Variants in UXS1 observed in about 807,000 individuals in gnomAD.
UXS1 encodes UDP-glucuronic acid decarboxylase 1.
In UXS1, 33 loss-of-function variants were observed where a neutral mutation model predicts 62.6. The ratio of observed to expected loss-of-function variants is 0.53; its 90% CI spans 0.40 to 0.70. UXS1 has a LOEUF of 0.70. Among genes scored for constraint, UXS1 ranks in the 30% least tolerant of loss-of-function variants. The pLI, the probability that UXS1 is intolerant of heterozygous loss-of-function variation, is 0.00. For synonymous variants in UXS1, 213 were observed against 206.8 expected, an observed-to-expected ratio of 1.03 and a Z score of -0.26; for missense variants, 434 against 556.3, an observed-to-expected ratio of 0.78 and a Z score of 2.21.
chr2:106,166,091 A>T lies in UXS1; in HGVS notation c.95-8T>A, dbSNP rs777377106. ...CGAAGTTGCCCCAAACAGCTGTAAG[A>T]GAAAGAAAAAAGGAAGTCAATGTTT... On this transcript the variant is annotated splice_region_variant and splice_polypyrimidine_tract_variant and intron_variant, in intron 1 of 14. Transcript: ENST00000283148. 1 of 1,610,480 alleles carries T rather than the reference A, an allele frequency of 6.2e-7. No homozygotes were observed. The highest frequency in any genetic ancestry group is 8.5e-7 in the Non-Finnish European group (1 of 1,178,632).
In UXS1 at chr2:106,099,662, CAG is replaced by C. The variant is rs574771872; in HGVS notation, c.985-891_985-890del. On this transcript the variant is annotated intron_variant, in intron 12 of 14. Transcript: ENST00000283148. ...GAGGGAAGGAGGAACATGGTATCTA[CAG>C]AGAAGAGCCTGGCTGCCCAGGGAAG... 1.5e-3 allele frequency among the ~76,000 whole-genome samples: 221 copies of C among 152,320 alleles called. 1 individual carries two copies. Among genetic ancestry groups the C allele is most frequent in the African/African-American group, 4.8e-3 (201 of 41,570 alleles).
At chr2:106,146,772 CAAAAAAAAAAAAA>C (rs55896853) in intron 5 of UXS1, among the ~76,000 whole-genome samples, 1 of 45,232 alleles carries the variant, frequency 2.2e-5, no homozygotes, top group African/African-American at 1.2e-4. Context: ...GACTCCATCT[CAAAAAAAAAAAAA>C]AAAAAAAAAA....
At chr2:106,094,673 G>A (rs1676934273) in intron 14 of UXS1, among the ~76,000 whole-genome samples, 1 of 152,168 alleles carries the variant, frequency 6.6e-6, no homozygotes, top group Non-Finnish European at 1.5e-5. Context: ...ATACTAAGAG[G>A]CTGAGTCTGA....
chr2:106,193,407 G>A (rs1437669226), intron 1 of UXS1, among the ~76,000 whole-genome samples: 3 of 152,022 alleles, frequency 2.0e-5, no homozygotes, highest in Admixed American at 1.3e-4. Context: ...AACAAGCAGA[G>A]GGCCGACCAC....
chr2:106,133,949 A>G (rs1442328209), intron 6 of UXS1, among the ~76,000 whole-genome samples: 2 of 135,058 alleles, frequency 1.5e-5, no homozygotes, highest in Admixed American at 1.5e-4. Context: ...AAACCCTTCA[A>G]AAAATCAATG....
At position 106,094,018 on chromosome 2, in the gene UXS1, T is replaced by C; in HGVS notation, c.*8A>G. 6.2e-7 allele frequency: 1 copy of C among 1,604,808 alleles called. No homozygotes were observed. The highest frequency in any genetic ancestry group is 8.5e-7 in the Non-Finnish European group (1 of 1,177,580). On this transcript the variant is annotated 3_prime_UTR_variant, in exon 15 of 15. Coordinates refer to ENST00000283148, the MANE Select transcript of UXS1 (RefSeq NM_001253875.2). ...CAATGGTAGTCTTGTGTCCTAAAAG[T>C]GAGGAGTTCAGCTGTGGCGAGTCCG...
intron 4 of UXS1, among the ~76,000 whole-genome samples, chr2:106,161,726 G>C (rs1215030582): frequency 1.3e-5 from 2 of 152,020 alleles, no homozygotes; most frequent in Non-Finnish European, 2.9e-5. Context: ...TCTATTCAAA[G>C]AACATTTAAA....
chr2:106,125,743 G>A, intron 7 of UXS1, 64 bp from the exon 8 acceptor site: 1 of 1,373,978 alleles, frequency 7.3e-7, no homozygotes. Context: ...TTTTTTGCTG[G>A]CCAATTTAAG....
intron 10 of UXS1, among the ~76,000 whole-genome samples, chr2:106,109,690 C>T (rs866286699): frequency 1.3e-5 from 2 of 152,180 alleles, no homozygotes; most frequent in Admixed American, 6.5e-5. Context: ...TAAAATATAG[C>T]TTTGATGTAT....
intron 5 of UXS1, among the ~76,000 whole-genome samples, chr2:106,152,333 T>C (rs1682084829): frequency 6.6e-6 from 1 of 151,992 alleles, no homozygotes; most frequent in Non-Finnish European, 1.5e-5. Context: ...ACACCTGTAA[T>C]CCCAGCTACT....
At chr2:106,116,756 G>A (rs1191006438) in intron 9 of UXS1, among the ~76,000 whole-genome samples, 3 of 152,208 alleles carry the variant, frequency 2.0e-5, no homozygotes, top group Non-Finnish European at 4.4e-5. Flanking sequence ...ATTACCGAGT[G>A]AATGGAAAAC....
chr2:106,102,645 C>CA (rs1411307373), intron 11 of UXS1: 1 of 152,172 alleles, frequency 6.6e-6, no homozygotes, highest in Non-Finnish European at 1.5e-5. Context: ...ACCTAGACCT[C>CA]AGACTCCCTG....
At chr2:106,141,447 T>G (rs1197999357) in intron 6 of UXS1, among the ~76,000 whole-genome samples, 1 of 152,232 alleles carries the variant, frequency 6.6e-6, no homozygotes, top group African/African-American at 2.4e-5. Flanking sequence ...CAGTTTTATC[T>G]TTTCCATTTT....
At chr2:106,153,043 T>A (rs555356199) in intron 5 of UXS1, among the ~76,000 whole-genome samples, 23 of 152,240 alleles carry the variant, frequency 1.5e-4, no homozygotes, top group African/African-American at 5.1e-4. Context: ...GAAAGTCAAA[T>A]ATAAGGGTGC....
chr2:106,174,235 G>A (rs1329745927), intron 1 of UXS1, among the ~76,000 whole-genome samples: 1 of 152,168 alleles, frequency 6.6e-6, no homozygotes, highest in East Asian at 1.9e-4. Context: ...GCACCACTGT[G>A]TTCCCTTTTA....
intron 4 of UXS1, chr2:106,160,573 G>A (rs1488825811): frequency 6.6e-6 from 1 of 152,302 alleles, no homozygotes; most frequent in Non-Finnish European, 1.5e-5. Flanking sequence ...GGACTGTGGA[G>A]TGTGCATCCG....
At chr2:106,119,582 T>C (rs1024995070) in intron 9 of UXS1, among the ~76,000 whole-genome samples, 1 of 152,108 alleles carries the variant, frequency 6.6e-6, no homozygotes, top group Non-Finnish European at 1.5e-5. Flanking sequence ...CAATGTCACC[T>C]CCAGACAGTG....
At chr2:106,125,862 T>G (rs949463335) in intron 7 of UXS1, among the ~76,000 whole-genome samples, 183 bp from the exon 8 acceptor site, 1 of 152,206 alleles carries the variant, frequency 6.6e-6, no homozygotes, top group Non-Finnish European at 1.5e-5. Context: ...AAAACATAAA[T>G]GGATTCTCAG....
rs563318996 is a variant in UXS1 at position 106,100,743 on chromosome 2, C to T, written c.984+315G>A. ...AATCAGGCCTTATAATGATGACCCG[C>T]CTGTTAAATAGAGAACGAGATGCAC... On this transcript the variant is annotated intron_variant, in intron 12 of 14. Coordinates refer to ENST00000283148, the MANE Select transcript of UXS1 (RefSeq NM_001253875.2). 1.8e-4 allele frequency: 52 copies of T among 282,718 alleles called. No individual in the cohort carries two copies. In the South Asian group the frequency reaches 3.7e-3, roughly 20 times the overall value. The allele number at this position is 282,718 out of a possible 1,614,324, so 17.5% of individuals were successfully genotyped here. A position where few individuals can be genotyped will look rare whatever the true frequency, so the allele number is the denominator to read the frequency against.
Sources: allele counts gnomAD v4.1 joint callset (sites outside exome capture counted in the v4.1 genomes callset), GRCh38; gene constraint gnomAD v4.1.1; transcripts MANE v1.5; gene names NCBI Gene and HGNC (gene_info 2026-07-23, HGNC 2026-07-21).